Variants in CABIN1 observed in about 807,000 individuals in gnomAD.
The protein encoded by CABIN1 is calcineurin-binding protein cabin-1.
CABIN1 carries 133 observed loss-of-function variants against 227.7 expected under a neutral mutation model. That is an observed-to-expected ratio of 0.58 (90% CI 0.51 to 0.67). CABIN1 has a LOEUF of 0.67. CABIN1 is among the 30% of genes least tolerant of loss of function. The probability of loss-of-function intolerance (pLI) is 0.00; values close to 1 mark genes in which losing one functional copy is unlikely to be tolerated. For synonymous variants in CABIN1, 1,086 were observed against 1,155.1 expected (o/e 0.94, Z 1.21); for missense variants, 2,408 against 2,852.5 (o/e 0.84, Z 3.55).
intron 28 of CABIN1, among the ~76,000 whole-genome samples, chr22:24,121,235 G>T (rs1602202628): frequency 6.6e-6 from 1 of 152,214 alleles, no homozygotes; most frequent in South Asian, 2.1e-4. Flanking sequence ...CCCTGGCTTG[G>T]CACTGGCTAT....
At chr22:24,109,891 C>T (rs956858533) in intron 26 of CABIN1, among the ~76,000 whole-genome samples, 14 of 152,176 alleles carry the variant, frequency 9.2e-5, no homozygotes, top group Non-Finnish European at 1.5e-4. Context: ...AGTTCTCAGC[C>T]GGGCGTGGTG....
rs12158989 is a variant in CABIN1 at position 24,070,756 on chromosome 22, T to C, written c.2233-44T>C. 7 of 1,613,756 alleles carry C rather than the reference T, an allele frequency of 4.3e-6. No homozygotes were observed. In the African/African-American group the frequency reaches 8.0e-5, roughly 18 times the overall value. On this transcript the variant is annotated intron_variant, in intron 16 of 36. Transcript: ENST00000263119. ...TCTGCTCAGGCCTTGGGCCCAGATG[T>C]GCTGAGCTCACCGTGCACTTCACCT...
At position 24,070,848 on chromosome 22, in the gene CABIN1, G is replaced by A. The variant is rs1367466542; in HGVS notation, c.2281G>A (p.Asp761Asn). Residue 761 changes from aspartate to asparagine, a missense_variant, in exon 17 of 37, where the codon GAT (aspartate) becomes AAT (asparagine). By Grantham distance (23) the Asp-to-Asn change is conservative (BLOSUM62 1). Transcript: ENST00000263119. ...KDYRQCFECS[D>N]VALNEAVQQM... ...CTATCGGCAGTGTTTTGAGTGTTCC[G>A]ATGTGGCTCTGAACGAGGCTGTCCA... 1.1e-5 allele frequency: 18 copies of A among 1,614,240 alleles called. No homozygotes were observed. Among genetic ancestry groups the A allele is most frequent in the Admixed American group, 1.7e-5 (1 of 60,034 alleles).
chr22:24,152,007 G>C (rs764659976), intron 29 of CABIN1, among the ~76,000 whole-genome samples: 1 of 152,176 alleles, frequency 6.6e-6, no homozygotes, highest in Non-Finnish European at 1.5e-5. Context: ...AGAACTGTGG[G>C]GACAGCCATC....
rs35757164 is a variant in CABIN1, at chr22:24,062,346, A to ATT, written c.1696+346_1696+347dup. Among the ~76,000 whole-genome samples, 48 of 96,558 alleles carry ATT rather than the reference A, an allele frequency of 5.0e-4. 1 individual carries two copies. Among genetic ancestry groups the ATT allele is most frequent in the African/African-American group, 8.9e-4 (19 of 21,460 alleles). The allele number at this position is 96,558 out of a possible 152,430, so 63.3% of individuals were successfully genotyped here. On this transcript the variant is annotated intron_variant, in intron 13 of 36. Transcript: ENST00000263119. Reference sequence around the variant, plus strand: ...TTCAGTAATTTTTCTGGTGATACGGATTTTTTTTTTTTTTTTTTTTTTTTT... The same window carrying ATT: ...TTCAGTAATTTTTCTGGTGATACGGATTTTTTTTTTTTTTTTTTTTTTTTTTT...
intron 29 of CABIN1, chr22:24,162,158 C>A (rs914678120): frequency 4.6e-5 from 7 of 152,294 alleles, no homozygotes; most frequent in Non-Finnish European, 1.0e-4. Context: ...ACTCTTCAGA[C>A]CAGCTTTCTC....
At chr22:24,112,783 A>G (rs1415690083) in intron 26 of CABIN1, among the ~76,000 whole-genome samples, 1 of 152,054 alleles carries the variant, frequency 6.6e-6, no homozygotes, top group African/African-American at 2.4e-5. Flanking sequence ...TCCCTTCCCC[A>G]GCTGCAGTGG....
intron 28 of CABIN1, among the ~76,000 whole-genome samples, chr22:24,124,727 C>T (rs1266597839): frequency 6.6e-6 from 1 of 152,136 alleles, no homozygotes; most frequent in East Asian, 1.9e-4. Context: ...AGGTTCTGGC[C>T]TTTACTGATG....
intron 29 of CABIN1, among the ~76,000 whole-genome samples, chr22:24,141,770 C>T (rs2044775588): frequency 6.6e-6 from 1 of 152,232 alleles, no homozygotes; most frequent in Admixed American, 6.5e-5. Context: ...CATGTTCTCT[C>T]CTACTTGGCG....
chr22:24,020,005 G>T (rs1410490565), intron 1 of CABIN1, among the ~76,000 whole-genome samples: 1 of 151,876 alleles, frequency 6.6e-6, no homozygotes, highest in Non-Finnish European at 1.5e-5. Context: ...TAATTTTATT[G>T]GCTAATATTG....
chr22:24,167,067 G>A lies in CABIN1; in HGVS notation c.5436G>A (p.Pro1812=), dbSNP rs548446328. 2.5e-4 allele frequency: 388 copies of A among 1,544,426 alleles called. 2 individuals are homozygous for A. In the South Asian group the frequency reaches 4.2e-3, roughly 17 times the overall value. The stretch of plus-strand genomic sequence containing the variant: ...TCAGTGCCCGGCAGCAGCCCACCCC[G>A]CTCACCCCAGCCCAGCCAGCCCCCG... ...LSISARQQPT[P]LTPAQPAPAP... Residue 1812 remains proline, a synonymous_variant, in exon 32 of 37, where the codon CCG becomes CCA. Coordinates refer to ENST00000263119, the MANE Select transcript of CABIN1 (RefSeq NM_012295.4).
chr22:24,042,826 G>GTGTGTA (rs2037495186), intron 5 of CABIN1, 78 bp from the exon 6 acceptor site: 1 of 517,222 alleles, frequency 1.9e-6, no homozygotes, highest in South Asian at 2.2e-5. Flanking sequence ...GACTGTGTGT[G>GTGTGTA]TGTGTGTGTG....
chr22:24,049,102 T>C lies in CABIN1; in HGVS notation c.538T>C (p.Phe180Leu). ...TLSDYTTCLY[F>L]ICKALEKDCR... is the part of the protein sequence containing the mutation. Reference sequence around the variant, plus strand: ...TCTTTCCCCGCCAGCATGTCTGTACTTCATCTGCAAAGCTTTGGAGAAGGA... The same window carrying C: ...TCTTTCCCCGCCAGCATGTCTGTACCTCATCTGCAAAGCTTTGGAGAAGGA... Residue 180 changes from phenylalanine (F) to leucine (L), a missense_variant, in exon 7 of 37, where the codon TTC (phenylalanine) becomes CTC (leucine). By Grantham distance (22) the Phe-to-Leu change is conservative (BLOSUM62 0). Around this residue, in one of 3 missense-constraint regions of CABIN1, gnomAD observed 1,045 missense variants for 1,168.4 expected, o/e 0.89. Transcript: ENST00000263119. 1 of 1,614,074 alleles carries C rather than the reference T, an allele frequency of 6.2e-7. No individual in the cohort carries two copies. Among genetic ancestry groups the C allele is most frequent in the Non-Finnish European group, 8.5e-7 (1 of 1,179,988 alleles).
chr22:24,106,607 A>G (rs1301801736), intron 26 of CABIN1, among the ~76,000 whole-genome samples: 6 of 152,202 alleles, frequency 3.9e-5, no homozygotes. Context: ...AGCTGGTGGC[A>G]GGATGAGGGT....
At chr22:24,050,745 A>T (rs1182428909) in intron 7 of CABIN1, 80 bp from the exon 8 acceptor site, 1 of 1,545,250 alleles carries the variant, frequency 6.5e-7, no homozygotes, top group Admixed American at 1.7e-5. Flanking sequence ...TATTAACCTA[A>T]ATGCATTTTT....
chr22:24,176,834 C>CAAGT (rs1289396502), intron 35 of CABIN1, among the ~76,000 whole-genome samples: 5 of 152,236 alleles, frequency 3.3e-5, no homozygotes, highest in Non-Finnish European at 7.3e-5. Context: ...TCCCACAGAC[C>CAAGT]ACTTGGGATG....
chr22:24,108,533 G>T (rs2042639041), intron 26 of CABIN1, among the ~76,000 whole-genome samples: 1 of 152,212 alleles, frequency 6.6e-6, no homozygotes, highest in South Asian at 2.1e-4. Context: ...CCACTCAGGG[G>T]TCTTATACAC....
rs564449743 is a variant in CABIN1, at chr22:24,089,294, G to A, written c.3525+1581G>A. Among the ~76,000 whole-genome samples, 25 of 152,364 alleles carry A rather than the reference G, an allele frequency of 1.6e-4. No homozygotes were observed. The South Asian group carries it at 5.0e-3, about 30-fold the overall frequency. On this transcript the variant is annotated intron_variant, in intron 23 of 36. Coordinates refer to ENST00000263119, the MANE Select transcript of CABIN1 (RefSeq NM_012295.4). ...AGGAAGGGAGCAGGGAAGTCAGGGA[G>A]TGGGTAAGGAGACTGAGCTCAAGTT...
intron 25 of CABIN1, among the ~76,000 whole-genome samples, chr22:24,096,869 G>A (rs889035892): frequency 1.3e-5 from 2 of 152,368 alleles, no homozygotes; most frequent in South Asian, 4.1e-4. Context: ...TGGGCACTGT[G>A]CGAAATTCAG....
Sources: gnomAD v4.1 joint callset for allele counts (sites outside exome capture counted in the v4.1 genomes callset) on GRCh38, gnomAD v4.1.1 for gene constraint, gnomAD v4.1.1 regional missense constraint, MANE v1.5 for transcripts, NCBI Gene and HGNC (gene_info 2026-07-23, HGNC 2026-07-21) for gene names.